The following EIF3M variants were observed in gnomAD, a reference collection of about 807,000 sequenced individuals.
EIF3M encodes the protein B5 receptor.
In EIF3M, 25 loss-of-function variants were observed where a neutral mutation model predicts 49.7. The ratio of observed to expected loss-of-function variants is 0.50; its 90% CI spans 0.37 to 0.70. EIF3M has a LOEUF of 0.70. Among genes scored for constraint, EIF3M ranks in the 30% least tolerant of loss-of-function variants. The pLI, the probability that EIF3M is intolerant of heterozygous loss-of-function variation, is 0.00. For synonymous variants in EIF3M, 156 were observed against 149.8 expected (o/e 1.04, Z -0.30); for missense variants, 350 against 440.0 (o/e 0.80, Z 1.83).
intron 3 of EIF3M, 64 bp from the exon 4 acceptor site, chr11:32,588,948 C>T: frequency 6.3e-7 from 1 of 1,591,230 alleles, no homozygotes; most frequent in South Asian, 1.1e-5. Context: ...GTGGTGAGAG[C>T]TAACCTCAAC....
chr11:32,590,015 C>G (rs1855075701), intron 5 of EIF3M, among the ~76,000 whole-genome samples: 1 of 152,158 alleles, frequency 6.6e-6, no homozygotes, highest in Admixed American at 6.5e-5. Context: ...AATATTCCAT[C>G]TCTCCACCCA....
chr11:32,600,969 T>A, intron 9 of EIF3M, 137 bp downstream of exon 9: 1 of 1,112,258 alleles, frequency 9.0e-7, no homozygotes, highest in Non-Finnish European at 1.2e-6. Context: ...AGTAGATTAG[T>A]GGATATATTT....
In EIF3M at chr11:32,600,680, G is replaced by C. The variant is rs767506307; in HGVS notation, c.800-9G>C. ...AACACTCATCAGGCTTCACTATTCT[G>C]TTTTCTAGGCCTGTTACATGAACAG... On this transcript the variant is annotated splice_polypyrimidine_tract_variant and intron_variant, in intron 8 of 10. Coordinates refer to ENST00000531120, the MANE Select transcript of EIF3M (RefSeq NM_006360.6). 1.9e-6 allele frequency: 3 copies of C among 1,600,412 alleles called. No homozygotes were observed. Among genetic ancestry groups the C allele is most frequent in the East Asian group, 4.5e-5 (2 of 44,496 alleles).
chr11:32,600,865 A>G, intron 9 of EIF3M, 33 bp downstream of exon 9: 3 of 1,566,670 alleles, frequency 1.9e-6, no homozygotes, highest in South Asian at 2.5e-5. Context: ...ATTTATTTCT[A>G]GAATTTCTCA....
Position 32,601,891 on chromosome 11 carries a change from G to A in EIF3M, c.1004+69G>A. On this transcript the variant is annotated intron_variant, in intron 10 of 10. Transcript: ENST00000531120. ...TTTGTTCCGATTATTTCACTTAAAT[G>A]TTTAGAGAACCAAGGTGGTGTTATC... The A allele has an allele frequency of 3.9e-6, 6 of 1,527,168 alleles. No individual in the cohort carries two copies. The South Asian group carries it at 7.0e-5, about 18-fold the overall frequency. 94.6% of individuals were successfully genotyped at this position (1,527,168 alleles called of 1,614,324 possible).
intron 8 of EIF3M, 54 bp downstream of exon 8, chr11:32,596,101 A>G: frequency 5.4e-6 from 7 of 1,299,310 alleles, no homozygotes; most frequent in Non-Finnish European, 4.2e-6. Flanking sequence ...TGATACACTA[A>G]CAGTTATGTA....
At position 32,605,779 on chromosome 11, in the gene EIF3M, C is replaced by G. The variant is rs1855341758; in HGVS notation, c.*3380C>G. 1 of 146,406 alleles carries G rather than the reference C, an allele frequency of 6.8e-6. No homozygotes were observed. Among genetic ancestry groups the G allele is most frequent in the Non-Finnish European group, 1.5e-5 (1 of 66,424 alleles). 9.1% of individuals were successfully genotyped at this position (146,406 alleles called of 1,614,324 possible). On this transcript the variant is annotated 3_prime_UTR_variant, in exon 11 of 11. Transcript: ENST00000531120. ...GTCCTGTTTAACTTACCTGAGGGTT[C>G]TGCAGCCTACCGCAGTAATTTTAGT...
At chr11:32,593,833 C>T (rs1855139142) in intron 5 of EIF3M, 33 bp from the exon 6 acceptor site, 1 of 1,491,216 alleles carries the variant, frequency 6.7e-7, no homozygotes, top group East Asian at 2.4e-5. Flanking sequence ...AGCAGTAATG[C>T]TTTCAAGTTC....
At chr11:32,594,879 A>G (rs1187608563) in intron 6 of EIF3M, 35 bp from the exon 7 acceptor site, 2 of 1,572,274 alleles carry the variant, frequency 1.3e-6, no homozygotes, top group South Asian at 2.3e-5. Context: ...CAGGATTTCA[A>G]AACCCTGAGC....
intron 5 of EIF3M, chr11:32,592,811 G>C (rs1201331540): frequency 5.3e-6 from 2 of 376,798 alleles, no homozygotes; most frequent in Non-Finnish European, 1.0e-5. Context: ...TTTAGAGACA[G>C]GGTCTGACCA....
At chr11:32,592,409 T>C in intron 5 of EIF3M, 2 of 546,480 alleles carry the variant, frequency 3.7e-6, no homozygotes, top group Non-Finnish European at 7.0e-6. Flanking sequence ...TTCAAAGTAG[T>C]CTCTCAAATT....
At chr11:32,598,162 A>T (rs999138425) in intron 8 of EIF3M, among the ~76,000 whole-genome samples, 2 of 152,164 alleles carry the variant, frequency 1.3e-5, no homozygotes, top group African/African-American at 4.8e-5. Context: ...AGGAAAAAGG[A>T]GTAGTAATTA....
chr11:32,600,274 C>T (rs1330335596), intron 8 of EIF3M, among the ~76,000 whole-genome samples: 1 of 151,806 alleles, frequency 6.6e-6, no homozygotes, highest in Non-Finnish European at 1.5e-5. Context: ...AAGAAATCCT[C>T]TGTGTTTAAA....
At chr11:32,584,632 CA>C (rs1187004254) in intron 1 of EIF3M, among the ~76,000 whole-genome samples, 1 of 70,990 alleles carries the variant, frequency 1.4e-5, no homozygotes, top group Admixed American at 1.2e-4. Context: ...AAAAAAAGAT[CA>C]AAACGCCCGT....
Position 32,603,817 on chromosome 11 carries a change from G to C in EIF3M, c.*1418G>C, listed in dbSNP as rs1273127967. The C allele has an allele frequency of 1.3e-5, 2 of 152,268 alleles. No homozygotes were observed. The highest frequency in any genetic ancestry group is 2.4e-5 in the African/African-American group (1 of 41,446). 9.4% of individuals were successfully genotyped at this position (152,268 alleles called of 1,614,324 possible). Reference sequence around the variant, plus strand: ...GGGCCAGGCACTGTGACTCATACCTGTAATCCCAGCACTTTGGGAAACTGA... The same window carrying C: ...GGGCCAGGCACTGTGACTCATACCTCTAATCCCAGCACTTTGGGAAACTGA... On this transcript the variant is annotated 3_prime_UTR_variant, in exon 11 of 11. Coordinates refer to ENST00000531120, the MANE Select transcript of EIF3M (RefSeq NM_006360.6).
Position 32,604,564 on chromosome 11 carries a change from T to C in EIF3M, c.*2165T>C, listed in dbSNP as rs1380770538. On this transcript the variant is annotated 3_prime_UTR_variant, in exon 11 of 11. Coordinates refer to ENST00000531120, the MANE Select transcript of EIF3M (RefSeq NM_006360.6). ...ACACTTTTTAAATACTGGGGTCATA[T>C]TTTTATTGGTTTATATGCTATGTTA... is the stretch of plus-strand genomic sequence containing the variant. 6.6e-6 allele frequency: 1 copy of C among 152,226 alleles called. No individual in the cohort carries two copies. Among genetic ancestry groups the C allele is most frequent in the Non-Finnish European group, 1.5e-5 (1 of 68,034 alleles). The allele number at this position is 152,226 out of a possible 1,614,324, so 9.4% of individuals were successfully genotyped here.
At position 32,593,865 on chromosome 11, in the gene EIF3M, G is replaced by A; in HGVS notation, c.534-1G>A. ...GTTCCTAAAGCAATATTTCTTTTTA[G>A]TGATGCTGCTTCAAAAGTCATGGTG... On this transcript the variant is annotated splice_acceptor_variant, in intron 5 of 10. Coordinates refer to ENST00000531120, the MANE Select transcript of EIF3M (RefSeq NM_006360.6). LOFTEE classifies it high-confidence loss of function. 1.3e-6 allele frequency: 2 copies of A among 1,562,532 alleles called. No individual in the cohort carries two copies. The highest frequency in any genetic ancestry group is 2.3e-5 in the East Asian group (1 of 43,046).
At chr11:32,590,543 A>G (rs888064075) in intron 5 of EIF3M, among the ~76,000 whole-genome samples, 2 of 152,174 alleles carry the variant, frequency 1.3e-5, no homozygotes, top group African/African-American at 4.8e-5. Context: ...AGGCTAAGTG[A>G]AGGCAAGGAA....
intron 5 of EIF3M, chr11:32,592,249 C>T (rs1299939216): frequency 3.8e-5 from 16 of 422,530 alleles, no homozygotes; most frequent in Non-Finnish European, 6.7e-5. Context: ...TTAAAAAGGG[C>T]CCTTTTCACT....
Sources: gnomAD v4.1 joint callset for allele counts (sites outside exome capture counted in the v4.1 genomes callset) on GRCh38, gnomAD v4.1.1 for gene constraint, MANE v1.5 for transcripts, NCBI Gene and HGNC (gene_info 2026-07-23, HGNC 2026-07-21) for gene names.